Variants in TSPEAR observed in about 807,000 individuals in gnomAD.
The protein encoded by TSPEAR is thrombospondin type laminin G domain and EAR repeats.
TSPEAR carries 69 observed loss-of-function variants against 71.6 expected under a neutral mutation model. That is an observed-to-expected ratio of 0.96 (90% CI 0.79 to 1.18). The LOEUF (loss-of-function observed/expected upper bound fraction) is 1.18. Among genes scored for constraint, TSPEAR ranks in the 50% most tolerant of loss-of-function variants. The pLI, the probability that TSPEAR is intolerant of heterozygous loss-of-function variation, is 0.00. For synonymous variants in TSPEAR, 402 were observed against 387.2 expected (o/e 1.04, Z -0.45); for missense variants, 971 against 894.9 (o/e 1.09, Z -1.09).
chr21:44,683,314 C>T (rs1488507704), intron 1 of TSPEAR, among the ~76,000 whole-genome samples: 2 of 151,986 alleles, frequency 1.3e-5, no homozygotes, highest in African/African-American at 4.8e-5. Context: ...AAATCAGAAA[C>T]ATGATACAGC....
intron 1 of TSPEAR, chr21:44,646,828 T>G (rs1984427558): frequency 1.3e-6 from 2 of 1,572,370 alleles, no homozygotes; most frequent in South Asian, 2.4e-5. Flanking sequence ...TGGGGCTGCT[T>G]CTTCGTGCTG....
At chr21:44,672,637 A>G (rs1202917741) in intron 1 of TSPEAR, among the ~76,000 whole-genome samples, 4 of 152,164 alleles carry the variant, frequency 2.6e-5, no homozygotes, top group Non-Finnish European at 5.9e-5. Flanking sequence ...CTAGCAAGAG[A>G]TTTAAACATT....
At chr21:44,590,392 C>T (rs1290202170) in intron 1 of TSPEAR, among the ~76,000 whole-genome samples, 3 of 152,146 alleles carry the variant, frequency 2.0e-5, no homozygotes, top group Non-Finnish European at 2.9e-5. Flanking sequence ...GGTCAGAGTC[C>T]AGGACCACAG....
intron 1 of TSPEAR, chr21:44,697,048 GCCC>G: frequency 2.3e-6 from 2 of 866,614 alleles, no homozygotes. Flanking sequence ...CCTCCCTCCT[GCCC>G]ATCCAGCACC....
Position 44,503,933 on chromosome 21 carries a change from C to G in TSPEAR, c.1856+847G>C, listed in dbSNP as rs1312864486. Among the ~76,000 whole-genome samples the G allele has an allele frequency of 2.2e-3, 160 of 71,302 alleles. 1 individual carries two copies. Among genetic ancestry groups the G allele is most frequent in the African/African-American group, 4.1e-3 (65 of 15,802 alleles). 46.8% of individuals were successfully genotyped at this position (71,302 alleles called of 152,430 possible). A position where few individuals can be genotyped will look rare whatever the true frequency, so the allele number is the denominator to read the frequency against. On this transcript the variant is annotated intron_variant, in intron 11 of 11. Coordinates refer to ENST00000323084, the MANE Select transcript of TSPEAR (RefSeq NM_144991.3). ...GAAGCTGGCCTCGGTGAGCCCTCGGCGGGAAGCAAGGCTCTGGGAGGAGGC... is the reference window on the plus strand; with the variant it reads ...GAAGCTGGCCTCGGTGAGCCCTCGGGGGGAAGCAAGGCTCTGGGAGGAGGC...
At chr21:44,672,173 A>G (rs1230187463) in intron 1 of TSPEAR, among the ~76,000 whole-genome samples, 2 of 152,222 alleles carry the variant, frequency 1.3e-5, no homozygotes, top group Non-Finnish European at 2.9e-5. Flanking sequence ...AAAAAGAAGA[A>G]TAAACAAAGC....
chr21:44,628,032 C>G (rs1982991989), intron 1 of TSPEAR: 4 of 1,612,724 alleles, frequency 2.5e-6, no homozygotes, highest in African/African-American at 1.3e-5. Context: ...TCTCCTCAGG[C>G]CAGAAGTCCA....
chr21:44,551,893 C>T (rs1385031742), intron 2 of TSPEAR, among the ~76,000 whole-genome samples: 3 of 152,112 alleles, frequency 2.0e-5, no homozygotes, highest in African/African-American at 7.2e-5. Context: ...GGTGGGCTGG[C>T]GTGGCTGTGA....
chr21:44,563,049 A>G (rs782375285), intron 2 of TSPEAR, among the ~76,000 whole-genome samples: 5 of 152,192 alleles, frequency 3.3e-5, no homozygotes, highest in African/African-American at 4.8e-5. Flanking sequence ...TGTTGGGCCT[A>G]TAACATATAG....
intron 8 of TSPEAR, among the ~76,000 whole-genome samples, chr21:44,523,462 ATCAG>A (rs201531553): frequency 0.021 from 3,222 of 150,394 alleles, 89 homozygotes; most frequent in African/African-American, 0.062. Context: ...TAATAAGGTA[ATCAG>A]TCAGTCAGGC....
intron 1 of TSPEAR, among the ~76,000 whole-genome samples, chr21:44,583,150 A>C (rs1259616907): frequency 6.7e-6 from 1 of 150,254 alleles, no homozygotes; most frequent in African/African-American, 2.5e-5. Flanking sequence ...GCCAGATCAC[A>C]TCATTTCTTA....
At chr21:44,688,462 T>C (rs934969612) in intron 1 of TSPEAR, among the ~76,000 whole-genome samples, 14 of 152,162 alleles carry the variant, frequency 9.2e-5, no homozygotes, top group African/African-American at 3.4e-4. Context: ...GGCTCACGCC[T>C]GTAATCCCAG....
chr21:44,603,462 C>T (rs13048925), intron 1 of TSPEAR, among the ~76,000 whole-genome samples: 48,962 of 152,064 alleles, frequency 0.32, 9,513 homozygotes, highest in Middle Eastern at 0.47. Flanking sequence ...AGAAGCACGT[C>T]CTCCTCTGCG....
At chr21:44,625,831 G>T (rs1555934205) in intron 1 of TSPEAR, among the ~76,000 whole-genome samples, 2 of 151,952 alleles carry the variant, frequency 1.3e-5, no homozygotes, top group Non-Finnish European at 2.9e-5. Flanking sequence ...CTTCAGTGAG[G>T]ACCCACTTTA....
At chr21:44,558,333 A>T (rs1555920302) in intron 2 of TSPEAR, 2 of 1,613,406 alleles carry the variant, frequency 1.2e-6, no homozygotes, top group South Asian at 2.2e-5. Flanking sequence ...CCCAGAGCAG[A>T]CGGGCACACA....
intron 1 of TSPEAR, among the ~76,000 whole-genome samples, chr21:44,633,953 G>C (rs1315435965): frequency 2.0e-5 from 3 of 151,978 alleles, no homozygotes; most frequent in African/African-American, 7.3e-5. Context: ...CTGATGTTAG[G>C]TACACAAATG....
chr21:44,638,024 T>C, intron 1 of TSPEAR: 3 of 1,613,444 alleles, frequency 1.9e-6, no homozygotes, highest in Admixed American at 3.3e-5. Flanking sequence ...GTCCACCTGC[T>C]GCGTGCCCGT....
intron 1 of TSPEAR, chr21:44,601,740 C>T (rs782298389): frequency 6.2e-7 from 1 of 1,607,702 alleles, no homozygotes; most frequent in Non-Finnish European, 8.5e-7. Context: ...GCTGAGTGAT[C>T]TCCTTAAGAT....
At chr21:44,648,279 C>T (rs1444182713) in intron 1 of TSPEAR, among the ~76,000 whole-genome samples, 1 of 152,214 alleles carries the variant, frequency 6.6e-6, no homozygotes, top group Non-Finnish European at 1.5e-5. Context: ...ACCACTAGCA[C>T]TGGAGAGTGA....
Sources: gnomAD v4.1 joint callset for allele counts (sites outside exome capture counted in the v4.1 genomes callset) on GRCh38, gnomAD v4.1.1 for gene constraint, MANE v1.5 for transcripts, NCBI Gene and HGNC (gene_info 2026-07-23, HGNC 2026-07-21) for gene names.